PCDHGA5: variants seen among roughly 807,000 people sequenced by gnomAD.
The protein encoded by PCDHGA5 is protocadherin gamma-A5.
In PCDHGA5, 36 loss-of-function variants were observed where a neutral mutation model predicts 56.7. The observed-to-expected ratio is 0.64, with a 90% CI of 0.49 to 0.84. The LOEUF is 0.84. PCDHGA5 is among the 40% of genes least tolerant of loss of function. PCDHGA5 has a pLI of 0.00. For synonymous variants in PCDHGA5, 563 were observed against 520.2 expected, an observed-to-expected ratio of 1.08 and a Z score of -1.12; for missense variants, 1,305 against 1,201.5, an observed-to-expected ratio of 1.09 and a Z score of -1.27.
intron 1 of PCDHGA5, among the ~76,000 whole-genome samples, chr5:141,380,761 A>G (rs952416806): frequency 6.6e-6 from 1 of 152,224 alleles, no homozygotes; most frequent in African/African-American, 2.4e-5. Flanking sequence ...GACACTATAA[A>G]TTAATTGAGA....
At chr5:141,437,895 A>G (rs911855268) in intron 1 of PCDHGA5, among the ~76,000 whole-genome samples, 23 of 151,954 alleles carry the variant, frequency 1.5e-4, no homozygotes, top group African/African-American at 4.8e-4. Flanking sequence ...ACGCCACCAC[A>G]CCCAGCTAAT....
At chr5:141,391,869 T>A (rs2092430763) in intron 1 of PCDHGA5, 2 of 152,218 alleles carry the variant, frequency 1.3e-5, no homozygotes, top group Admixed American at 1.3e-4. Flanking sequence ...AATTTAATCA[T>A]CTCTTTGGTG....
intron 1 of PCDHGA5, chr5:141,415,756 T>G (rs756759295): frequency 1.5e-4 from 214 of 1,386,812 alleles, no homozygotes; most frequent in African/African-American, 5.9e-4. Flanking sequence ...TTTTTTTTTT[T>G]TTTTTTTTTT....
chr5:141,397,846 A>G (rs1032127108), intron 1 of PCDHGA5: 3 of 528,344 alleles, frequency 5.7e-6, no homozygotes, highest in Non-Finnish European at 9.9e-6. Flanking sequence ...GAAGCCGCAG[A>G]GGCTGTAGTT....
Position 141,431,354 on chromosome 5 carries a change from G to A in PCDHGA5, c.2422-63453G>A, listed in dbSNP as rs777198567. On this transcript the variant is annotated intron_variant, in intron 1 of 3. Coordinates refer to ENST00000518069, the MANE Select transcript of PCDHGA5 (RefSeq NM_018918.3). This position sits in a 1 kb window ranked among gnomAD's most constrained non-coding sequence, Gnocchi z 4.8. ...GTACCCCGAATTGGTGCTGAAACGC[G>A]CCCTGGACCGCGAAGAAAAGGCTGC... is the stretch of plus-strand genomic sequence containing the variant. 1 of 1,614,036 alleles carries A rather than the reference G, an allele frequency of 6.2e-7. No homozygotes were observed. Among genetic ancestry groups the A allele is most frequent in the South Asian group, 1.1e-5 (1 of 91,086 alleles).
At chr5:141,427,863 G>A (rs769808388) in intron 1 of PCDHGA5, 1 of 1,557,316 alleles carries the variant, frequency 6.4e-7, no homozygotes, top group Non-Finnish European at 8.8e-7. Context: ...GTGCGCCTTC[G>A]AGCTCACGAT....
At chr5:141,421,797 C>T in intron 1 of PCDHGA5, 1 of 1,613,744 alleles carries the variant, frequency 6.2e-7, no homozygotes, top group Non-Finnish European at 8.5e-7. Context: ...CGGATGGGGC[C>T]AAGAATCCAG....
At chr5:141,370,837 C>T in intron 1 of PCDHGA5, 1 of 1,614,004 alleles carries the variant, frequency 6.2e-7, no homozygotes, top group Non-Finnish European at 8.5e-7. Flanking sequence ...CTGGCTCTCA[C>T]TGGAGCCACA....
At chr5:141,420,088 C>T in intron 1 of PCDHGA5, 5 of 1,614,002 alleles carry the variant, frequency 3.1e-6, no homozygotes, top group Non-Finnish European at 4.2e-6. Context: ...CCCCCAACTA[C>T]AGTGAGGGAA....
Position 141,432,325 on chromosome 5 carries a change from C to CGAGCA in PCDHGA5, c.2422-62480_2422-62476dup, listed in dbSNP as rs768604869. On this transcript the variant is annotated intron_variant, in intron 1 of 3. Coordinates refer to ENST00000518069, the MANE Select transcript of PCDHGA5 (RefSeq NM_018918.3). This position sits in a 1 kb window ranked among gnomAD's most constrained non-coding sequence, Gnocchi z 6.0. Reference sequence around the variant, plus strand: ...TGTATGCGCTGAGCTCCTTCGACTACGAGCAGTTCCGAGACTTGCAAGTGA... The same window carrying CGAGCA: ...TGTATGCGCTGAGCTCCTTCGACTACGAGCAGAGCAGTTCCGAGACTTGCAAGTGA... 20 of 1,614,142 alleles carry CGAGCA rather than the reference C, an allele frequency of 1.2e-5. No individual in the cohort carries two copies. Among genetic ancestry groups the CGAGCA allele is most frequent in the Non-Finnish European group, 1.7e-5 (20 of 1,180,050 alleles).
At chr5:141,448,021 G>A (rs1376525971) in intron 1 of PCDHGA5, among the ~76,000 whole-genome samples, 2 of 152,050 alleles carry the variant, frequency 1.3e-5, no homozygotes, top group African/African-American at 4.8e-5. Context: ...AGGAGGTGGA[G>A]GTTGCAGTGA....
In PCDHGA5 at chr5:141,431,155, C is replaced by T; in HGVS notation, c.2422-63652C>T. On this transcript the variant is annotated intron_variant, in intron 1 of 3. Transcript: ENST00000518069. This position sits in a 1 kb window ranked among gnomAD's most constrained non-coding sequence, Gnocchi z 4.8. ...GGGACATTAACGACAATGCGCCTTA[C>T]TTTCGTGAAAGTGAATTAGAAATAA... is the stretch of plus-strand genomic sequence containing the variant. 6.2e-7 allele frequency: 1 copy of T among 1,614,212 alleles called. No homozygotes were observed. Among genetic ancestry groups the T allele is most frequent in the Non-Finnish European group, 8.5e-7 (1 of 1,180,032 alleles).
intron 1 of PCDHGA5, among the ~76,000 whole-genome samples, chr5:141,443,514 C>T (rs1386662758): frequency 6.6e-6 from 1 of 152,056 alleles, no homozygotes; most frequent in Non-Finnish European, 1.5e-5. Flanking sequence ...AAGAGCTTCT[C>T]TCCTTATGAC....
Position 141,489,902 on chromosome 5 carries a change from C to A in PCDHGA5, c.2422-4905C>A. ...ACTGCTGTGGATGGGGGGACCCCAGCCCGCTCAGGGACCACCCTTATCTCT... is the reference window on the plus strand; with the variant it reads ...ACTGCTGTGGATGGGGGGACCCCAGACCGCTCAGGGACCACCCTTATCTCT... On this transcript the variant is annotated intron_variant, in intron 1 of 3. Transcript: ENST00000518069. The surrounding 1 kb of genome is among the most constrained non-coding windows in gnomAD (Gnocchi z 4.5). 1 of 1,614,218 alleles carries A rather than the reference C, an allele frequency of 6.2e-7. No individual in the cohort carries two copies. The highest frequency in any genetic ancestry group is 8.5e-7 in the Non-Finnish European group (1 of 1,180,032).
intron 1 of PCDHGA5, chr5:141,405,271 C>T: frequency 3.1e-6 from 5 of 1,614,094 alleles, no homozygotes; most frequent in Non-Finnish European, 4.2e-6. Flanking sequence ...TCCCCCAGCC[C>T]AACTATGCAG....
chr5:141,372,129 C>T (rs62620756), intron 1 of PCDHGA5: 5 of 1,613,514 alleles, frequency 3.1e-6, no homozygotes, highest in African/African-American at 1.3e-5. Flanking sequence ...CGATATGGTG[C>T]CGCGCTCTGC....
At chr5:141,403,491 T>A in intron 1 of PCDHGA5, 1 of 1,614,010 alleles carries the variant, frequency 6.2e-7, no homozygotes, top group South Asian at 1.1e-5. Context: ...CACTTCTCCC[T>A]GAACGTGCAG....
Position 141,489,652 on chromosome 5 carries a change from C to T in PCDHGA5, c.2422-5155C>T, listed in dbSNP as rs767143028. The T allele has an allele frequency of 3.1e-6, 5 of 1,614,024 alleles. No individual in the cohort carries two copies. Among genetic ancestry groups the T allele is most frequent in the Non-Finnish European group, 4.2e-6 (5 of 1,180,026 alleles). ...CTCTCCTAGCTTTGCCACCCCTGAG[C>T]GAGAGATGCGCATCTCAGAATCAGC... On this transcript the variant is annotated intron_variant, in intron 1 of 3. Coordinates refer to ENST00000518069, the MANE Select transcript of PCDHGA5 (RefSeq NM_018918.3). The surrounding 1 kb of genome is among the most constrained non-coding windows in gnomAD (Gnocchi z 4.5).
rs370503146 is a variant in PCDHGA5 at position 141,511,012 on chromosome 5, G to A, written c.2635G>A (p.Gly879Arg). 11 of 1,614,060 alleles carry A rather than the reference G, an allele frequency of 6.8e-6. No individual in the cohort carries two copies. Among genetic ancestry groups the A allele is most frequent in the Middle Eastern group, 1.6e-4 (1 of 6,084 alleles). ...AGTMGLSARYGPQFTLQHVPD... is the reference protein window; with the variant it reads ...AGTMGLSARYRPQFTLQHVPD... The stretch of plus-strand genomic sequence containing the variant: ...CACCATGGGATTGAGCGCCCGCTAC[G>A]GACCCCAGTTCACCCTGCAGCACGT... The change falls in exon 4 of 4, where the codon GGA (glycine) becomes AGA (arginine). Residue 879 changes from glycine (G) to arginine (R), a missense_variant. Transcript: ENST00000518069.
Sources: allele counts gnomAD v4.1 joint callset (sites outside exome capture counted in the v4.1 genomes callset), GRCh38; gene constraint gnomAD v4.1.1; non-coding constraint Gnocchi (gnomAD v3.1); transcripts MANE v1.5; gene names NCBI Gene and HGNC (gene_info 2026-07-23, HGNC 2026-07-21).